Variants in GRM1 observed in about 807,000 individuals in gnomAD.
GRM1 encodes the protein metabotropic glutamate receptor 1.
In GRM1, 33 loss-of-function variants were observed where a neutral mutation model predicts 90.9. That is an observed-to-expected ratio of 0.36 (90% CI 0.28 to 0.49). GRM1 has a LOEUF of 0.49. Ranked by LOEUF, GRM1 falls within the 20% of genes least tolerant of loss-of-function variation. The probability of loss-of-function intolerance (pLI) is 0.99; values close to 1 mark genes in which losing one functional copy is unlikely to be tolerated. For missense variants in GRM1, 1,190 were observed against 1,534.3 expected (o/e 0.78, Z 3.75); for synonymous variants, 700 against 613.2 (o/e 1.14, Z -2.09).
At chr6:146,163,344 GT>G (rs1777802717) in intron 2 of GRM1, among the ~76,000 whole-genome samples, 1 of 152,090 alleles carries the variant, frequency 6.6e-6, no homozygotes, top group Non-Finnish European at 1.5e-5. Context: ...AATAATAATT[GT>G]AATAATGATT....
intron 2 of GRM1, among the ~76,000 whole-genome samples, chr6:146,224,801 C>A (rs1780184696): frequency 6.6e-6 from 1 of 152,074 alleles, no homozygotes; most frequent in Non-Finnish European, 1.5e-5. Flanking sequence ...CAACTAACAA[C>A]TACTGTTTGA....
chr6:146,128,040 C>A (rs2128879366), intron 1 of GRM1, among the ~76,000 whole-genome samples: 1 of 152,246 alleles, frequency 6.6e-6, no homozygotes, highest in Non-Finnish European at 1.5e-5. Context: ...AAGGTCTACA[C>A]ATGGCCTCTC....
At chr6:146,296,301 A>G (rs141321174) in intron 2 of GRM1, among the ~76,000 whole-genome samples, 378 of 152,324 alleles carry the variant, frequency 2.5e-3, no homozygotes, top group African/African-American at 8.8e-3. Context: ...ATTGACAAAT[A>G]CTAATCCTTT....
At chr6:146,186,931 G>A (rs1474295764) in intron 2 of GRM1, among the ~76,000 whole-genome samples, 10 of 152,148 alleles carry the variant, frequency 6.6e-5, no homozygotes, top group Admixed American at 5.9e-4. Flanking sequence ...CAGATGGAAG[G>A]GAACTTTAAA....
intron 1 of GRM1, among the ~76,000 whole-genome samples, chr6:146,096,354 A>C (rs1366399517): frequency 3.3e-5 from 5 of 152,098 alleles, no homozygotes; most frequent in Non-Finnish European, 5.9e-5. Context: ...TAATTTTCTG[A>C]TGATCCAATG....
chr6:146,342,065 A>T (rs1005963257), intron 3 of GRM1, among the ~76,000 whole-genome samples: 1 of 152,216 alleles, frequency 6.6e-6, no homozygotes, highest in African/African-American at 2.4e-5. Context: ...ACCATGTAAC[A>T]GTCTGGGAAC....
intron 2 of GRM1, chr6:146,159,991 C>CA: frequency 6.7e-6 from 1 of 148,382 alleles, no homozygotes; most frequent in Non-Finnish European, 1.4e-5. Flanking sequence ...GATACTTTTT[C>CA]AGAAAAAAAA....
intron 2 of GRM1, among the ~76,000 whole-genome samples, chr6:146,209,744 T>A (rs1356925066): frequency 2.0e-5 from 3 of 152,198 alleles, no homozygotes; most frequent in African/African-American, 4.8e-5. Context: ...CAAATCAAAT[T>A]GGTATCATTA....
intron 1 of GRM1, among the ~76,000 whole-genome samples, chr6:146,060,232 T>C (rs1406900649): frequency 6.6e-6 from 1 of 152,106 alleles, no homozygotes; most frequent in Non-Finnish European, 1.5e-5. Context: ...GGCAATTATA[T>C]AGGTTTCTGT....
At chr6:146,075,017 G>C (rs1218227171) in intron 1 of GRM1, among the ~76,000 whole-genome samples, 1 of 152,092 alleles carries the variant, frequency 6.6e-6, no homozygotes, top group Non-Finnish European at 1.5e-5. Context: ...TCATTTGAAT[G>C]AGGATCAATT....
At chr6:146,338,280 A>AG (rs1784847434) in intron 3 of GRM1, among the ~76,000 whole-genome samples, 1 of 152,216 alleles carries the variant, frequency 6.6e-6, no homozygotes, top group African/African-American at 2.4e-5. Context: ...GATATAATCC[A>AG]GGCTCAAAGG....
intron 2 of GRM1, among the ~76,000 whole-genome samples, chr6:146,218,835 TC>T (rs1173590287): frequency 6.6e-6 from 1 of 152,160 alleles, no homozygotes; most frequent in African/African-American, 2.4e-5. Context: ...AAGACATTCT[TC>T]CTGCCACACG....
At chr6:146,324,987 C>G (rs1010168058) in intron 3 of GRM1, among the ~76,000 whole-genome samples, 2 of 152,170 alleles carry the variant, frequency 1.3e-5, no homozygotes, top group African/African-American at 4.8e-5. Context: ...TCCTCCTTCT[C>G]TATCAAGACT....
chr6:146,293,632 C>T (rs1406894808), intron 2 of GRM1, among the ~76,000 whole-genome samples: 1 of 151,782 alleles, frequency 6.6e-6, no homozygotes, highest in East Asian at 1.9e-4. Flanking sequence ...ATAATATCCT[C>T]AGTTGGAGAA....
At chr6:146,107,171 A>T (rs745353033) in intron 1 of GRM1, among the ~76,000 whole-genome samples, 5 of 152,170 alleles carry the variant, frequency 3.3e-5, no homozygotes, top group Admixed American at 6.5e-5. Flanking sequence ...CTCCTCTAAG[A>T]TTAAAATGCA....
intron 2 of GRM1, among the ~76,000 whole-genome samples, chr6:146,205,821 C>A (rs2114629870): frequency 2.6e-5 from 4 of 152,238 alleles, no homozygotes; most frequent in Admixed American, 2.6e-4. Flanking sequence ...CTTACCCTGC[C>A]CCTGTCCTGA....
chr6:146,080,896 T>C (rs1776343732), intron 1 of GRM1, among the ~76,000 whole-genome samples: 1 of 152,228 alleles, frequency 6.6e-6, no homozygotes, highest in African/African-American at 2.4e-5. Context: ...AACATAGCCT[T>C]ACACATTCCT....
At chr6:146,421,247 G>T (rs372308079) in intron 7 of GRM1, among the ~76,000 whole-genome samples, 2 of 152,068 alleles carry the variant, frequency 1.3e-5, no homozygotes, top group East Asian at 1.9e-4. Context: ...CAAAATGTAG[G>T]AAAAAAACTA....
intron 2 of GRM1, among the ~76,000 whole-genome samples, chr6:146,196,583 G>A (rs1022572245): frequency 6.6e-6 from 1 of 151,010 alleles, no homozygotes; most frequent in Non-Finnish European, 1.5e-5. Flanking sequence ...GGGATTACAG[G>A]CATGAGCCAC....
Sources: gnomAD v4.1 joint callset for allele counts (sites outside exome capture counted in the v4.1 genomes callset) on GRCh38, gnomAD v4.1.1 for gene constraint, MANE v1.5 for transcripts, NCBI Gene and HGNC (gene_info 2026-07-23, HGNC 2026-07-21) for gene names.